RNF169: variants seen among roughly 807,000 people sequenced by gnomAD.
The protein encoded by RNF169 is E3 ubiquitin-protein ligase RNF169.
A neutral mutation model predicts 53.9 loss-of-function variants in RNF169; 24 were observed. The ratio of observed to expected loss-of-function variants is 0.45; its 90% CI spans 0.32 to 0.63. The LOEUF is 0.63. RNF169 is among the 20% of genes least tolerant of loss of function. The pLI, the probability that RNF169 is intolerant of heterozygous loss-of-function variation, is 0.04. For missense variants in RNF169, 883 were observed against 906.2 expected, an observed-to-expected ratio of 0.97 and a Z score of 0.33; for synonymous variants, 396 against 363.5, an observed-to-expected ratio of 1.09 and a Z score of -1.02.
At position 74,791,132 on chromosome 11, in the gene RNF169, G is replaced by A. The variant is rs1175223694; in HGVS notation, c.576+1433G>A. ...GGTAGCTGCTTTCCACAGGCAGGTCGTCCGGACATCTACTCAGCTCTCAGC... is the reference window on the plus strand; with the variant it reads ...GGTAGCTGCTTTCCACAGGCAGGTCATCCGGACATCTACTCAGCTCTCAGC... On this transcript the variant is annotated intron_variant, in intron 2 of 5. Transcript: ENST00000299563. Among the ~76,000 whole-genome samples the A allele has an allele frequency of 3.9e-5, 6 of 152,232 alleles. 1 individual carries two copies. The highest frequency in any genetic ancestry group is 2.1e-4 in the South Asian group (1 of 4,826).
At chr11:74,749,406 A>G (rs2034848645) in intron 1 of RNF169, 24 bp downstream of exon 1, 2 of 945,492 alleles carry the variant, frequency 2.1e-6, no homozygotes, top group Non-Finnish European at 1.4e-6. Flanking sequence ...ACTTCCCCTT[A>G]GGGTCTGGAG....
chr11:74,821,709 C>T (rs1237152474), intron 4 of RNF169, among the ~76,000 whole-genome samples: 2 of 147,024 alleles, frequency 1.4e-5, no homozygotes, highest in Non-Finnish European at 3.0e-5. Context: ...CCAGAATAGG[C>T]AAATACGTAG....
intron 4 of RNF169, among the ~76,000 whole-genome samples, chr11:74,821,085 G>C (rs746731334): frequency 1.7e-4 from 26 of 152,168 alleles, no homozygotes; most frequent in Non-Finnish European, 3.1e-4. Context: ...CTCCAAATCT[G>C]TGTTCTTTCT....
chr11:74,754,810 ACT>A (rs898586224), intron 1 of RNF169, among the ~76,000 whole-genome samples: 3 of 152,248 alleles, frequency 2.0e-5, no homozygotes, highest in African/African-American at 7.2e-5. Context: ...ACAGAGCGAG[ACT>A]CTCTCTGAAA....
chr11:74,827,168 C>T (rs2036111465), intron 4 of RNF169, among the ~76,000 whole-genome samples: 1 of 152,172 alleles, frequency 6.6e-6, no homozygotes, highest in Admixed American at 6.5e-5. Context: ...GGTTCCCAAC[C>T]CTCATTTCTT....
intron 2 of RNF169, among the ~76,000 whole-genome samples, chr11:74,794,588 G>A (rs1272351366): frequency 6.6e-6 from 1 of 152,192 alleles, no homozygotes; most frequent in Admixed American, 6.5e-5. Context: ...TGACCATGGA[G>A]TAGATAGCTG....
At chr11:74,766,366 T>G (rs531910297) in intron 1 of RNF169, among the ~76,000 whole-genome samples, 49 of 152,300 alleles carry the variant, frequency 3.2e-4, no homozygotes, top group African/African-American at 1.2e-3. Context: ...GAGGGGTGAT[T>G]CATGGATTAA....
At chr11:74,806,305 C>T (rs1021923737) in intron 2 of RNF169, among the ~76,000 whole-genome samples, 1 of 152,140 alleles carries the variant, frequency 6.6e-6, no homozygotes, top group African/African-American at 2.4e-5. Flanking sequence ...AATATATACA[C>T]ATTGAAATGG....
At chr11:74,814,016 G>A (rs541718801) in intron 3 of RNF169, among the ~76,000 whole-genome samples, 1 of 151,634 alleles carries the variant, frequency 6.6e-6, no homozygotes, top group Non-Finnish European at 1.5e-5. Context: ...ACCTGTTTTA[G>A]TTCATCTTAA....
At chr11:74,813,985 C>T (rs1264243398) in intron 3 of RNF169, among the ~76,000 whole-genome samples, 2 of 152,052 alleles carry the variant, frequency 1.3e-5, no homozygotes, top group Admixed American at 6.6e-5. Flanking sequence ...CCACTGCGCC[C>T]GGCCTAGATG....
At position 74,762,037 on chromosome 11, in the gene RNF169, G is replaced by A. The variant is rs370394269; in HGVS notation, c.502+12655G>A. Among the ~76,000 whole-genome samples the A allele has an allele frequency of 1.0e-4, 14 of 139,482 alleles. No individual in the cohort carries two copies. The East Asian group carries it at 1.3e-3, about 13-fold the overall frequency. The allele number at this position is 139,482 out of a possible 152,430, so 91.5% of individuals were successfully genotyped here. ...CTTTTTTCTCTAAACTTCCCTTCTC[G>A]CTTCATTTCATTCATTTCATCTTCC... On this transcript the variant is annotated intron_variant, in intron 1 of 5. Transcript: ENST00000299563.
chr11:74,832,273 G>T (rs1167952631), intron 4 of RNF169: 2 of 151,670 alleles, frequency 1.3e-5, no homozygotes, highest in Non-Finnish European at 2.9e-5. Flanking sequence ...TTAGCAAAAA[G>T]ATTTTAGATT....
intron 1 of RNF169, among the ~76,000 whole-genome samples, chr11:74,772,944 A>G (rs1409921671): frequency 6.6e-6 from 1 of 152,242 alleles, no homozygotes; most frequent in Non-Finnish European, 1.5e-5. Flanking sequence ...ATAGTATGTC[A>G]TCAATAAATG....
intron 1 of RNF169, among the ~76,000 whole-genome samples, chr11:74,784,436 A>G (rs1400304239): frequency 6.6e-6 from 1 of 152,210 alleles, no homozygotes; most frequent in Admixed American, 6.5e-5. Flanking sequence ...ATTACAGTGA[A>G]AAGACACCGA....
intron 2 of RNF169, among the ~76,000 whole-genome samples, chr11:74,796,829 CT>C (rs1296611185): frequency 1.3e-5 from 2 of 152,138 alleles, no homozygotes; most frequent in African/African-American, 4.8e-5. Context: ...TATCCATTTT[CT>C]TTTTTTCTTC....
chr11:74,765,985 A>C (rs2035168762), intron 1 of RNF169, among the ~76,000 whole-genome samples: 1 of 152,156 alleles, frequency 6.6e-6, no homozygotes, highest in Admixed American at 6.5e-5. Context: ...TAATTCATTG[A>C]AAAGATTAAG....
intron 1 of RNF169, among the ~76,000 whole-genome samples, chr11:74,774,791 C>T (rs2035309093): frequency 6.6e-6 from 1 of 151,796 alleles, no homozygotes; most frequent in Non-Finnish European, 1.5e-5. Context: ...CCCGTCTCTA[C>T]TAAAAAATAC....
At chr11:74,772,012 C>T (rs1333739166) in intron 1 of RNF169, among the ~76,000 whole-genome samples, 1 of 152,150 alleles carries the variant, frequency 6.6e-6, no homozygotes, top group Non-Finnish European at 1.5e-5. Context: ...CACTGATGGT[C>T]CCCAACATTT....
intron 4 of RNF169, among the ~76,000 whole-genome samples, chr11:74,825,962 A>G (rs890890024): frequency 6.6e-6 from 1 of 152,216 alleles, no homozygotes; most frequent in African/African-American, 2.4e-5. Context: ...AAGTCAAAGC[A>G]GGCACCTTCT....
Sources: gnomAD v4.1 joint callset for allele counts (sites outside exome capture counted in the v4.1 genomes callset) on GRCh38, gnomAD v4.1.1 for gene constraint, MANE v1.5 for transcripts, NCBI Gene and HGNC (gene_info 2026-07-23, HGNC 2026-07-21) for gene names.